The following THSD7B variants were observed in gnomAD, a reference collection of about 807,000 sequenced individuals.
THSD7B encodes the protein thrombospondin type 1 domain containing 7B.
A neutral mutation model predicts 213.6 loss-of-function variants in THSD7B; 138 were observed. The observed-to-expected ratio is 0.65, with a 90% CI of 0.56 to 0.74. The LOEUF (loss-of-function observed/expected upper bound fraction) is 0.74. THSD7B is among the 30% of genes least tolerant of loss of function. THSD7B has a pLI of 0.00. For synonymous variants in THSD7B, 742 were observed against 687.0 expected (o/e 1.08, Z -1.25); for missense variants, 1,931 against 1,991.5 (o/e 0.97, Z 0.58).
intron 2 of THSD7B, among the ~76,000 whole-genome samples, chr2:137,050,388 C>T (rs984344023): frequency 1.1e-4 from 17 of 152,200 alleles, no homozygotes; most frequent in African/African-American, 4.1e-4. Flanking sequence ...TAGACACTGG[C>T]GACTAATAAT....
chr2:137,069,403 A>G (rs1269315285), intron 3 of THSD7B, among the ~76,000 whole-genome samples: 1 of 152,056 alleles, frequency 6.6e-6, no homozygotes, highest in Non-Finnish European at 1.5e-5. Flanking sequence ...GACTGTTTAT[A>G]TAAATAGGAA....
At chr2:137,408,712 G>A (rs1686583239) in intron 13 of THSD7B, among the ~76,000 whole-genome samples, 1 of 152,130 alleles carries the variant, frequency 6.6e-6, no homozygotes, top group Non-Finnish European at 1.5e-5. Context: ...GGCTTCAGGG[G>A]ACAATTGTTT....
At chr2:137,036,279 A>G (rs1686773487) in intron 2 of THSD7B, among the ~76,000 whole-genome samples, 1 of 152,162 alleles carries the variant, frequency 6.6e-6, no homozygotes, top group African/African-American at 2.4e-5. Flanking sequence ...AGCCATATAC[A>G]AATGTCCACA....
At chr2:137,009,884 T>A (rs2104832889) in intron 2 of THSD7B, among the ~76,000 whole-genome samples, 1 of 152,358 alleles carries the variant, frequency 6.6e-6, no homozygotes, top group South Asian at 2.1e-4. Flanking sequence ...GAGCTCTATG[T>A]CTGGCACACA....
intron 26 of THSD7B, among the ~76,000 whole-genome samples, chr2:137,665,563 C>T (rs1029966564): frequency 2.6e-5 from 4 of 151,576 alleles, no homozygotes; most frequent in African/African-American, 9.7e-5. Flanking sequence ...ATTAGAGCAC[C>T]CTGTCAGGAG....
At chr2:137,510,474 C>A (rs1265609575) in intron 15 of THSD7B, among the ~76,000 whole-genome samples, 1 of 152,054 alleles carries the variant, frequency 6.6e-6, no homozygotes, top group East Asian at 1.9e-4. Flanking sequence ...AACTTTGCTT[C>A]ACACAATTCT....
chr2:137,111,947 A>G (rs952175450), intron 4 of THSD7B, among the ~76,000 whole-genome samples: 1 of 152,200 alleles, frequency 6.6e-6, no homozygotes, highest in East Asian at 1.9e-4. Context: ...TTTGAAAGGC[A>G]TCAGAGTTGG....
At chr2:136,894,812 A>G (rs565750160) in intron 2 of THSD7B, among the ~76,000 whole-genome samples, 1 of 152,060 alleles carries the variant, frequency 6.6e-6, no homozygotes, top group Admixed American at 6.6e-5. Context: ...AAATATTTAA[A>G]TTTTTTTATG....
rs117340073 is a variant in THSD7B at position 136,784,846 on chromosome 2, A to G, written c.-36+19159A>G. Among the ~76,000 whole-genome samples, 253 of 152,302 alleles carry G rather than the reference A, an allele frequency of 1.7e-3. 7 individuals are homozygous for G. In the East Asian group the frequency reaches 0.042, roughly 25 times the overall value. On this transcript the variant is annotated intron_variant, in intron 1 of 27. Coordinates refer to ENST00000409968, the MANE Select transcript of THSD7B (RefSeq NM_001316349.2). ...AATTATTATACTAGCTACTACCAAT[A>G]TTTTTAAGCCACATACTTATGCATG...
intron 15 of THSD7B, among the ~76,000 whole-genome samples, chr2:137,532,730 G>A (rs1051840838): frequency 3.3e-5 from 5 of 151,638 alleles, no homozygotes; most frequent in African/African-American, 1.2e-4. Context: ...AATCTGCAGG[G>A]CTTTATGATC....
chr2:137,175,535 G>A (rs1390463041), intron 7 of THSD7B, among the ~76,000 whole-genome samples: 3 of 152,068 alleles, frequency 2.0e-5, no homozygotes, highest in African/African-American at 7.2e-5. Flanking sequence ...GTATATATTT[G>A]CACGGCACTA....
intron 2 of THSD7B, among the ~76,000 whole-genome samples, chr2:136,994,256 G>C (rs17674368): frequency 0.1 from 15,679 of 152,188 alleles, 1,041 homozygotes; most frequent in East Asian, 0.16. Context: ...GCTTTGAATT[G>C]TAGCTTGAAA....
At chr2:136,767,327 T>A (rs913466964) in intron 1 of THSD7B, among the ~76,000 whole-genome samples, 1 of 152,206 alleles carries the variant, frequency 6.6e-6, no homozygotes. Context: ...ACTGCTGTTT[T>A]TAAACCTTAG....
intron 1 of THSD7B, among the ~76,000 whole-genome samples, chr2:136,823,112 T>C (rs1227385730): frequency 6.6e-6 from 1 of 152,152 alleles, no homozygotes; most frequent in Non-Finnish European, 1.5e-5. Flanking sequence ...TTATTTAACG[T>C]GAAAGAGATG....
chr2:137,370,199 G>A (rs1245314163), intron 12 of THSD7B, among the ~76,000 whole-genome samples: 1 of 152,002 alleles, frequency 6.6e-6, no homozygotes, highest in East Asian at 1.9e-4. Context: ...ACTTGTGAAA[G>A]TATTTTAAAG....
chr2:136,959,629 A>C (rs1429355569), intron 2 of THSD7B, among the ~76,000 whole-genome samples: 2 of 152,224 alleles, frequency 1.3e-5, no homozygotes, highest in East Asian at 3.8e-4. Flanking sequence ...CTGAACTTCA[A>C]ACTAATTAAA....
At chr2:136,804,934 T>G (rs1682256437) in intron 1 of THSD7B, among the ~76,000 whole-genome samples, 1 of 152,094 alleles carries the variant, frequency 6.6e-6, no homozygotes. Flanking sequence ...AGTCATTCAG[T>G]GGAAATGATC....
At chr2:137,514,167 CT>C (rs1680023464) in intron 15 of THSD7B, among the ~76,000 whole-genome samples, 1 of 152,074 alleles carries the variant, frequency 6.6e-6, no homozygotes, top group Non-Finnish European at 1.5e-5. Context: ...TGAGTGTCAA[CT>C]TGATTGGATT....
intron 2 of THSD7B, among the ~76,000 whole-genome samples, chr2:136,968,771 C>T (rs1685360114): frequency 6.6e-6 from 1 of 152,034 alleles, no homozygotes; most frequent in East Asian, 1.9e-4. Flanking sequence ...GTTTATGCTG[C>T]TAGGCAGAAA....
Sources: gnomAD v4.1 joint callset for allele counts (sites outside exome capture counted in the v4.1 genomes callset) on GRCh38, gnomAD v4.1.1 for gene constraint, MANE v1.5 for transcripts, NCBI Gene and HGNC (gene_info 2026-07-23, HGNC 2026-07-21) for gene names.